The following PDE7B variants were observed in gnomAD, a reference collection of about 807,000 sequenced individuals.
The protein encoded by PDE7B is 3',5'-cyclic-AMP phosphodiesterase 7B.
PDE7B carries 29 observed loss-of-function variants against 56.2 expected under a neutral mutation model. The ratio of observed to expected loss-of-function variants is 0.52; its 90% CI spans 0.38 to 0.70. PDE7B has a LOEUF of 0.70. Among genes scored for constraint, PDE7B ranks in the 30% least tolerant of loss-of-function variants. The pLI is 0.00. For synonymous variants in PDE7B, 197 were observed against 196.9 expected (o/e 1.00, Z 0.00); for missense variants, 490 against 565.0 (o/e 0.87, Z 1.35).
intron 10 of PDE7B, 137 bp from the exon 11 acceptor site, chr6:136,181,085 AGGCAT>A: frequency 1.5e-6 from 1 of 652,244 alleles, no homozygotes; most frequent in Non-Finnish European, 2.8e-6. Context: ...TTTCCTGAAG[AGGCAT>A]GTCAGGGAGG....
chr6:136,081,471 GTTA>G (rs1777206002), intron 2 of PDE7B, among the ~76,000 whole-genome samples: 1 of 152,152 alleles, frequency 6.6e-6, no homozygotes, highest in African/African-American at 2.4e-5. Flanking sequence ...GGGGATGGTG[GTTA>G]TTAACAGAAT....
intron 1 of PDE7B, among the ~76,000 whole-genome samples, chr6:135,902,070 G>A (rs1305215542): frequency 1.3e-5 from 2 of 152,040 alleles, no homozygotes; most frequent in Admixed American, 6.5e-5. Flanking sequence ...TCCTCTTACC[G>A]GACACTAAGA....
chr6:135,959,876 C>G (rs755418081), intron 2 of PDE7B, among the ~76,000 whole-genome samples: 2 of 152,088 alleles, frequency 1.3e-5, no homozygotes, highest in Non-Finnish European at 2.9e-5. Flanking sequence ...TGGGCTTAAG[C>G]AATCCTTTCA....
At position 135,979,387 on chromosome 6, in the gene PDE7B, C is replaced by T. The variant is rs570374172; in HGVS notation, c.82+31863C>T. Among the ~76,000 whole-genome samples the T allele has an allele frequency of 1.6e-3, 247 of 151,852 alleles. 2 individuals carry two copies. The highest frequency in any genetic ancestry group is 3.1e-3 in the Non-Finnish European group (210 of 68,006). ...GCTTTGGTATCAGGATGATGCTGGC[C>T]TCATAAAATGAGTTAGGGAGGATTC... On this transcript the variant is annotated intron_variant, in intron 2 of 12. Transcript: ENST00000308191.
At chr6:135,910,355 G>GT (rs1776191059) in intron 1 of PDE7B, among the ~76,000 whole-genome samples, 1 of 152,194 alleles carries the variant, frequency 6.6e-6, no homozygotes, top group African/African-American at 2.4e-5. Flanking sequence ...AGAACTGTCA[G>GT]TAACACCGAG....
intron 2 of PDE7B, among the ~76,000 whole-genome samples, chr6:135,981,795 C>T (rs1365207190): frequency 1.3e-5 from 2 of 150,464 alleles, no homozygotes; most frequent in African/African-American, 4.9e-5. Flanking sequence ...TAGGAGTATA[C>T]TCTAAAATAA....
At chr6:136,109,638 A>G (rs1279395587) in intron 3 of PDE7B, among the ~76,000 whole-genome samples, 2 of 152,190 alleles carry the variant, frequency 1.3e-5, no homozygotes, top group Non-Finnish European at 2.9e-5. Context: ...TTACAAGTTC[A>G]TTGACTTCTA....
At position 136,090,047 on chromosome 6, in the gene PDE7B, C is replaced by T. The variant is rs78076931; in HGVS notation, c.83-18684C>T. Among the ~76,000 whole-genome samples, 1,163 of 152,220 alleles carry T rather than the reference C, an allele frequency of 7.6e-3. 14 individuals are homozygous for T. Among genetic ancestry groups the T allele is most frequent in the African/African-American group, 0.027 (1,101 of 41,536 alleles). On this transcript the variant is annotated intron_variant, in intron 2 of 12. Transcript: ENST00000308191. ...AGGCCCTCTGAGATACCGAAAGACA[C>T]CAAATTAGATTGTTGTGGGTTTTTT...
At chr6:135,861,241 G>A (rs1021354328) in intron 1 of PDE7B, among the ~76,000 whole-genome samples, 2 of 151,794 alleles carry the variant, frequency 1.3e-5, no homozygotes, top group Non-Finnish European at 3.0e-5. Context: ...GTTATACCTA[G>A]GAATAAAGTT....
Position 135,914,485 on chromosome 6 carries a change from C to CTT in PDE7B, c.22-32954_22-32953dup, listed in dbSNP as rs759938662. On this transcript the variant is annotated intron_variant, in intron 1 of 12. Coordinates refer to ENST00000308191, the MANE Select transcript of PDE7B (RefSeq NM_018945.4). Reference sequence around the variant, plus strand: ...CTGGCTTATTTCCCTTTTTATAATGCTTTTTTTTTTTTTTTTTTTTTTTTT... The same window carrying CTT: ...CTGGCTTATTTCCCTTTTTATAATGCTTTTTTTTTTTTTTTTTTTTTTTTTTT... Among the ~76,000 whole-genome samples, 80 of 41,914 alleles carry CTT rather than the reference C, an allele frequency of 1.9e-3. 5 individuals carry two copies. Among genetic ancestry groups the CTT allele is most frequent in the Non-Finnish European group, 2.4e-3 (63 of 26,088 alleles). The allele number at this position is 41,914 out of a possible 152,430, so 27.5% of individuals were successfully genotyped here. A position where few individuals can be genotyped will look rare whatever the true frequency, so the allele number is the denominator to read the frequency against.
In PDE7B at chr6:135,906,827, T is replaced by TTTTTTG. The variant is rs1231419195; in HGVS notation, c.22-40632_22-40631insGTTTTT. 8.3e-4 allele frequency among the ~76,000 whole-genome samples: 111 copies of TTTTTTG among 133,546 alleles called. 2 individuals are homozygous for TTTTTTG. The highest frequency in any genetic ancestry group is 1.5e-3 in the Non-Finnish European group (93 of 61,238). The allele number at this position is 133,546 out of a possible 152,430, so 87.6% of individuals were successfully genotyped here. A position where few individuals can be genotyped will look rare whatever the true frequency, so the allele number is the denominator to read the frequency against. On this transcript the variant is annotated intron_variant, in intron 1 of 12. Coordinates refer to ENST00000308191, the MANE Select transcript of PDE7B (RefSeq NM_018945.4). ...TGAGGTTTGTTTTTTTTTTTTTTTT[T>TTTTTTG]TTTTTTTTTAATCCTCTAGGCTTTT...
intron 2 of PDE7B, among the ~76,000 whole-genome samples, chr6:136,013,942 A>G (rs544919479): frequency 2.3e-4 from 35 of 152,340 alleles, no homozygotes; most frequent in East Asian, 1.9e-4. Flanking sequence ...ATATTTTCTT[A>G]AATGATAGGT....
intron 2 of PDE7B, among the ~76,000 whole-genome samples, chr6:136,106,348 ATTTCT>A (rs1777645086): frequency 1.3e-5 from 2 of 151,992 alleles, no homozygotes; most frequent in Admixed American, 6.6e-5. Flanking sequence ...TAAGATTTTC[ATTTCT>A]TTTTTCATTT....
At chr6:136,128,566 CCT>C (rs1416864184) in intron 3 of PDE7B, among the ~76,000 whole-genome samples, 8 of 152,024 alleles carry the variant, frequency 5.3e-5, no homozygotes, top group African/African-American at 1.9e-4. Flanking sequence ...CCCCCCCACC[CCT>C]GGGCAAAATT....
intron 2 of PDE7B, among the ~76,000 whole-genome samples, chr6:136,087,061 A>G (rs1157729791): frequency 6.6e-6 from 1 of 152,130 alleles, no homozygotes; most frequent in Non-Finnish European, 1.5e-5. Context: ...TTATCTACCC[A>G]TTCTTCCTTC....
intron 2 of PDE7B, among the ~76,000 whole-genome samples, chr6:136,027,849 T>C (rs886773927): frequency 6.6e-6 from 1 of 152,194 alleles, no homozygotes; most frequent in African/African-American, 2.4e-5. Flanking sequence ...CTTGAACTCC[T>C]GACCTCAGGT....
At chr6:135,967,574 C>T (rs1274429467) in intron 2 of PDE7B, among the ~76,000 whole-genome samples, 1 of 152,176 alleles carries the variant, frequency 6.6e-6, no homozygotes, top group Non-Finnish European at 1.5e-5. Context: ...TCAGGCACAA[C>T]AACCTATCTG....
At chr6:136,187,176 CAAAG>C in intron 12 of PDE7B, 60 bp downstream of exon 12, 1 of 852,966 alleles carries the variant, frequency 1.2e-6, no homozygotes, top group Non-Finnish European at 2.0e-6. Flanking sequence ...ACAAAAGTGA[CAAAG>C]AAAAGATCTA....
chr6:136,148,835 A>G (rs922577189), intron 4 of PDE7B, among the ~76,000 whole-genome samples: 5 of 152,174 alleles, frequency 3.3e-5, no homozygotes, highest in African/African-American at 9.7e-5. Flanking sequence ...GTTAGGTAAA[A>G]GTCTCACGCA....
Sources: allele counts gnomAD v4.1 joint callset (sites outside exome capture counted in the v4.1 genomes callset), GRCh38; gene constraint gnomAD v4.1.1; transcripts MANE v1.5; gene names NCBI Gene and HGNC (gene_info 2026-07-23, HGNC 2026-07-21).